The following KIF6 variants were observed in gnomAD, a reference collection of about 807,000 sequenced individuals.
The protein encoded by KIF6 is kinesin-like protein KIF6.
Under a neutral mutation model 112.7 loss-of-function variants are expected in KIF6, and 106 were observed. The ratio of observed to expected loss-of-function variants is 0.94; its 90% CI spans 0.80 to 1.11. The LOEUF is 1.11. KIF6 is among the 50% of genes least tolerant of loss of function. The probability of loss-of-function intolerance (pLI) is 0.00; values close to 1 mark genes in which losing one functional copy is unlikely to be tolerated. For synonymous variants in KIF6, 339 were observed against 339.9 expected (o/e 1.00, Z 0.03); for missense variants, 929 against 964.0 (o/e 0.96, Z 0.48).
At chr6:39,645,087 G>C (rs1327842482) in intron 3 of KIF6, among the ~76,000 whole-genome samples, 3 of 152,138 alleles carry the variant, frequency 2.0e-5, no homozygotes, top group Non-Finnish European at 4.4e-5. Context: ...GTCCTAATAT[G>C]TAAATAAATC....
intron 5 of KIF6, among the ~76,000 whole-genome samples, chr6:39,628,796 A>C (rs1784217810): frequency 6.6e-6 from 1 of 151,948 alleles, no homozygotes; most frequent in Non-Finnish European, 1.5e-5. Context: ...GAACAGTTTC[A>C]CCACCCAGAA....
Position 39,512,715 on chromosome 6 carries a change from C to T in KIF6, c.1645+27288G>A, listed in dbSNP as rs181686482. Among the ~76,000 whole-genome samples, 331 of 152,268 alleles carry T rather than the reference C, an allele frequency of 2.2e-3. 2 individuals carry two copies. Among genetic ancestry groups the T allele is most frequent in the Non-Finnish European group, 3.4e-3 (234 of 68,030 alleles). ...AAGCTTCAGTCACCTTGGCTGCGTCCCTGACATCTATCCTGGCTCCTGCAG... is the reference window on the plus strand; with the variant it reads ...AAGCTTCAGTCACCTTGGCTGCGTCTCTGACATCTATCCTGGCTCCTGCAG... On this transcript the variant is annotated intron_variant, in intron 13 of 22. Coordinates refer to ENST00000287152, the MANE Select transcript of KIF6 (RefSeq NM_145027.6).
At chr6:39,499,317 G>A (rs1009247749) in intron 13 of KIF6, among the ~76,000 whole-genome samples, 3 of 152,004 alleles carry the variant, frequency 2.0e-5, no homozygotes, top group Non-Finnish European at 2.9e-5. Context: ...AGAATGAAGA[G>A]CAGTTGGCCA....
chr6:39,359,723 C>G (rs1764983579), intron 18 of KIF6, among the ~76,000 whole-genome samples: 2 of 152,082 alleles, frequency 1.3e-5, no homozygotes, highest in Non-Finnish European at 2.9e-5. Flanking sequence ...GTAGCTGAGA[C>G]TATAGGCACA....
At chr6:39,402,592 C>T (rs1768789641) in intron 15 of KIF6, among the ~76,000 whole-genome samples, 1 of 152,162 alleles carries the variant, frequency 6.6e-6, no homozygotes, top group South Asian at 2.1e-4. Flanking sequence ...ATGATTATCT[C>T]TGATGAAATG....
In KIF6 at chr6:39,585,815, G is replaced by C. The variant is rs534058143; in HGVS notation, c.990+446C>G. ...GCTGACTCTAAAGCAACCCAGAAGA[G>C]CCATTCAGCAGCTGGCTCCTGCCAA... On this transcript the variant is annotated intron_variant, in intron 8 of 22. Coordinates refer to ENST00000287152, the MANE Select transcript of KIF6 (RefSeq NM_145027.6). Among the ~76,000 whole-genome samples the C allele has an allele frequency of 1.8e-4, 27 of 152,256 alleles. No individual in the cohort carries two copies. In the East Asian group the frequency reaches 4.8e-3, roughly 27 times the overall value.
intron 13 of KIF6, among the ~76,000 whole-genome samples, chr6:39,523,666 A>G (rs1777531055): frequency 9.7e-6 from 1 of 103,308 alleles, no homozygotes; most frequent in East Asian, 2.6e-4. Context: ...ATATATATAT[A>G]TATATATATA....
At position 39,694,017 on chromosome 6, in the gene KIF6, C is replaced by T. The variant is rs911981881; in HGVS notation, c.251+20675G>A. 9.2e-5 allele frequency among the ~76,000 whole-genome samples: 14 copies of T among 151,934 alleles called. No homozygotes were observed. In the East Asian group the frequency reaches 2.5e-3, roughly 27 times the overall value. On this transcript the variant is annotated intron_variant, in intron 3 of 22. Coordinates refer to ENST00000287152, the MANE Select transcript of KIF6 (RefSeq NM_145027.6). ...TGGGATGCAAAGATGATTCAACATA[C>T]ACAAATCAATAAATGTGATTCACCA... is the stretch of plus-strand genomic sequence containing the variant.
At chr6:39,486,104 A>G (rs1214528163) in intron 13 of KIF6, among the ~76,000 whole-genome samples, 1 of 152,220 alleles carries the variant, frequency 6.6e-6, no homozygotes, top group Non-Finnish European at 1.5e-5. Context: ...TTGTCCATCA[A>G]TGAGTGAACT....
At chr6:39,520,189 G>A (rs1441855300) in intron 13 of KIF6, among the ~76,000 whole-genome samples, 1 of 152,204 alleles carries the variant, frequency 6.6e-6, no homozygotes, top group Non-Finnish European at 1.5e-5. Flanking sequence ...AAAGGGCCAG[G>A]AGAAGGGTTA....
intron 14 of KIF6, among the ~76,000 whole-genome samples, chr6:39,428,674 G>A (rs1487013382): frequency 6.6e-6 from 1 of 152,138 alleles, no homozygotes; most frequent in Non-Finnish European, 1.5e-5. Flanking sequence ...GACTCATAAA[G>A]TATACCTTTT....
At chr6:39,485,358 A>G (rs1775050505) in intron 13 of KIF6, among the ~76,000 whole-genome samples, 1 of 152,118 alleles carries the variant, frequency 6.6e-6, no homozygotes, top group Non-Finnish European at 1.5e-5. Context: ...TTTAAAAACC[A>G]CTATCCCCCA....
At chr6:39,725,065 C>CAGCA (rs1790456121) in intron 1 of KIF6, among the ~76,000 whole-genome samples, 180 bp downstream of exon 1, 1 of 152,216 alleles carries the variant, frequency 6.6e-6, no homozygotes, top group South Asian at 2.1e-4. Context: ...GCGTAGCTGA[C>CAGCA]AGCAGTGCGC....
chr6:39,443,160 A>AAT (rs1418107524), intron 13 of KIF6, among the ~76,000 whole-genome samples: 197 of 135,568 alleles, frequency 1.5e-3, no homozygotes, highest in East Asian at 6.0e-3. Flanking sequence ...TAATAATAAT[A>AAT]AATAAAAATA....
intron 13 of KIF6, among the ~76,000 whole-genome samples, chr6:39,532,657 A>C (rs144714380): frequency 2.6e-5 from 4 of 152,362 alleles, no homozygotes; most frequent in African/African-American, 9.6e-5. Context: ...GTAATGTCAC[A>C]AAATGTATTT....
rs553158537 is a variant in KIF6, at chr6:39,455,149, C to G, written c.1646-23988G>C. ...GACAGCTTTGAAGAGAGCAGTGGTT[C>G]TCATAGCACGCAGCTGGAGATCTGA... On this transcript the variant is annotated intron_variant, in intron 13 of 22. Transcript: ENST00000287152. 8.5e-5 allele frequency among the ~76,000 whole-genome samples: 13 copies of G among 152,328 alleles called. 2 individuals carry two copies. In the South Asian group the frequency reaches 2.5e-3, roughly 29 times the overall value.
intron 15 of KIF6, among the ~76,000 whole-genome samples, chr6:39,405,589 A>G (rs189304236): frequency 2.3e-4 from 35 of 152,236 alleles, no homozygotes; most frequent in Admixed American, 1.8e-3. Flanking sequence ...TAGTCTTTTT[A>G]TATATTGTTG....
At chr6:39,399,117 G>A (rs115615564) in intron 15 of KIF6, among the ~76,000 whole-genome samples, 1,958 of 152,276 alleles carry the variant, frequency 0.013, 46 homozygotes, top group African/African-American at 0.044. Flanking sequence ...AGTTGAACTT[G>A]CCAGCCCCTA....
At chr6:39,422,481 C>T (rs1770443515) in intron 14 of KIF6, among the ~76,000 whole-genome samples, 1 of 152,214 alleles carries the variant, frequency 6.6e-6, no homozygotes. Context: ...GAGGGCTGTG[C>T]AGTCTTCATG....
Sources: gnomAD v4.1 joint callset for allele counts (sites outside exome capture counted in the v4.1 genomes callset) on GRCh38, gnomAD v4.1.1 for gene constraint, MANE v1.5 for transcripts, NCBI Gene and HGNC (gene_info 2026-07-23, HGNC 2026-07-21) for gene names.